Variants in ARID1B observed in about 807,000 individuals in gnomAD.
ARID1B encodes AT-rich interaction domain 1B.
Under a neutral mutation model 212.3 loss-of-function variants are expected in ARID1B, and 30 were observed. The observed-to-expected ratio is 0.14, with a 90% CI of 0.11 to 0.19. The LOEUF (loss-of-function observed/expected upper bound fraction) is 0.19, where lower values mean the gene tolerates loss of function less well. ARID1B is among the 10% of genes least tolerant of loss of function. The pLI, the probability that ARID1B is intolerant of heterozygous loss-of-function variation, is 1.00. For missense variants in ARID1B, 2,891 were observed against 3,204.0 expected (o/e 0.90, Z 2.36); for synonymous variants, 1,402 against 1,301.7 (o/e 1.08, Z -1.66).
At chr6:157,127,325 A>G (rs904735784) in intron 6 of ARID1B, among the ~76,000 whole-genome samples, 1 of 152,120 alleles carries the variant, frequency 6.6e-6, no homozygotes, top group African/African-American at 2.4e-5. Flanking sequence ...CTTGGTTACC[A>G]TGCTACCTGT....
chr6:156,930,530 T>C (rs1180147972), intron 3 of ARID1B, among the ~76,000 whole-genome samples: 1 of 152,206 alleles, frequency 6.6e-6, no homozygotes, highest in Non-Finnish European at 1.5e-5. Context: ...ATACAACCCT[T>C]TGACAGAAAT....
chr6:157,102,787 C>T (rs1243211403), intron 5 of ARID1B, among the ~76,000 whole-genome samples: 5 of 151,642 alleles, frequency 3.3e-5, no homozygotes, highest in African/African-American at 9.7e-5. Context: ...TTAGTAGAGA[C>T]GGGGTTTCAC....
intron 4 of ARID1B, among the ~76,000 whole-genome samples, chr6:157,003,759 G>A (rs1383430722): frequency 6.6e-6 from 1 of 152,194 alleles, no homozygotes; most frequent in Admixed American, 6.5e-5. Context: ...CACCATCATA[G>A]CTTGCTGTAG....
At chr6:156,825,648 C>T (rs1165777812) in intron 1 of ARID1B, among the ~76,000 whole-genome samples, 4 of 152,178 alleles carry the variant, frequency 2.6e-5, no homozygotes, top group African/African-American at 7.2e-5. Context: ...CAGTTTTGGT[C>T]GTGCACTATT....
chr6:156,888,708 CT>C (rs1381373511), intron 2 of ARID1B, among the ~76,000 whole-genome samples: 1 of 152,088 alleles, frequency 6.6e-6, no homozygotes, highest in Non-Finnish European at 1.5e-5. Context: ...CAGCTCAGGC[CT>C]TTTTATTTTC....
intron 4 of ARID1B, among the ~76,000 whole-genome samples, chr6:157,039,881 CTCTT>C (rs764654965): frequency 2.8e-5 from 2 of 70,586 alleles, no homozygotes; most frequent in South Asian, 5.7e-4. Context: ...TCTTTCTTTT[CTCTT>C]CCTTCCTTCC....
Position 157,124,155 on chromosome 6 carries a change from C to A in ARID1B, c.2582-8873C>A, listed in dbSNP as rs572428820. On this transcript the variant is annotated intron_variant, in intron 6 of 19. Coordinates refer to ENST00000636930, the MANE Select transcript of ARID1B (RefSeq NM_001374828.1). ...TGTCTCCTTTTCCTCAGAAATGATTCTTTGGAAACACCGTGAGATGAAGAA... is the reference window on the plus strand; with the variant it reads ...TGTCTCCTTTTCCTCAGAAATGATTATTTGGAAACACCGTGAGATGAAGAA... 3.9e-5 allele frequency among the ~76,000 whole-genome samples: 6 copies of A among 152,330 alleles called. No homozygotes were observed. In the East Asian group the frequency reaches 5.8e-4, roughly 15 times the overall value.
At chr6:157,076,513 A>G (rs1784320131) in intron 4 of ARID1B, among the ~76,000 whole-genome samples, 1 of 127,078 alleles carries the variant, frequency 7.9e-6, no homozygotes, top group Non-Finnish European at 1.9e-5. Flanking sequence ...CTGCTATACT[A>G]CTGAAGAAAT....
chr6:156,974,200 T>G (rs1352598056), intron 4 of ARID1B, among the ~76,000 whole-genome samples: 4 of 152,324 alleles, frequency 2.6e-5, no homozygotes, highest in African/African-American at 9.6e-5. Flanking sequence ...GATGTGCAAT[T>G]TAAACAAGTT....
At chr6:156,791,930 G>T (rs1780042061) in intron 1 of ARID1B, among the ~76,000 whole-genome samples, 1 of 151,944 alleles carries the variant, frequency 6.6e-6, no homozygotes, top group African/African-American at 2.4e-5. Context: ...TGAAATCTTT[G>T]AATTTTTGTT....
At chr6:156,975,617 T>TC (rs1162226616) in intron 4 of ARID1B, among the ~76,000 whole-genome samples, 1 of 149,888 alleles carries the variant, frequency 6.7e-6, no homozygotes, top group East Asian at 1.9e-4. Context: ...TTTTTTCTTT[T>TC]TTTTTTTTTT....
At chr6:157,006,160 AG>A (rs1179993745) in intron 4 of ARID1B, among the ~76,000 whole-genome samples, 2 of 152,192 alleles carry the variant, frequency 1.3e-5, no homozygotes, top group Non-Finnish European at 2.9e-5. Context: ...TTCTTACCTC[AG>A]GGAACTAAGA....
At chr6:156,861,005 G>C (rs537857809) in intron 2 of ARID1B, among the ~76,000 whole-genome samples, 1 of 152,318 alleles carries the variant, frequency 6.6e-6, no homozygotes, top group East Asian at 1.9e-4. Context: ...GGCCCTCAGA[G>C]AACAATAGCA....
intron 4 of ARID1B, among the ~76,000 whole-genome samples, chr6:156,986,476 G>A (rs1184455195): frequency 6.6e-6 from 1 of 152,170 alleles, no homozygotes; most frequent in African/African-American, 2.4e-5. Flanking sequence ...GAGACAGCAG[G>A]GGCTGGTAGT....
chr6:156,905,390 G>GCT (rs1390671354), intron 3 of ARID1B, among the ~76,000 whole-genome samples: 1 of 152,204 alleles, frequency 6.6e-6, no homozygotes, highest in Non-Finnish European at 1.5e-5. Flanking sequence ...GTCAAAGACA[G>GCT]CTTGCTGGAG....
At chr6:156,959,444 T>A (rs1449752753) in intron 4 of ARID1B, among the ~76,000 whole-genome samples, 1 of 152,222 alleles carries the variant, frequency 6.6e-6, no homozygotes, top group African/African-American at 2.4e-5. Flanking sequence ...CAATTTTTTA[T>A]CTGCTATTGG....
chr6:157,180,689 G>A (rs1046302880), intron 11 of ARID1B, among the ~76,000 whole-genome samples: 1 of 152,024 alleles, frequency 6.6e-6, no homozygotes, highest in Non-Finnish European at 1.5e-5. Flanking sequence ...GGGATTCAAC[G>A]CTTATATCCA....
At chr6:156,982,346 C>A (rs180756981) in intron 4 of ARID1B, among the ~76,000 whole-genome samples, 596 of 151,100 alleles carry the variant, frequency 3.9e-3, no homozygotes, top group Middle Eastern at 0.014. Flanking sequence ...TGACGTTGCC[C>A]TTTCTTTCTG....
At chr6:156,994,719 A>G (rs541584349) in intron 4 of ARID1B, among the ~76,000 whole-genome samples, 4 of 152,292 alleles carry the variant, frequency 2.6e-5, no homozygotes, top group East Asian at 1.9e-4. Context: ...AGTGACATTT[A>G]GTAACCTGTC....
Sources: gnomAD v4.1 joint callset for allele counts (sites outside exome capture counted in the v4.1 genomes callset) on GRCh38, gnomAD v4.1.1 for gene constraint, MANE v1.5 for transcripts, NCBI Gene and HGNC (gene_info 2026-07-23, HGNC 2026-07-21) for gene names.